Variants in ERCC6L observed in about 807,000 individuals in gnomAD.
The protein encoded by ERCC6L is ERCC excision repair 6 like, spindle assembly checkpoint helicase.
Under a neutral mutation model 20.1 loss-of-function variants are expected in ERCC6L, and 7 were observed. The observed-to-expected ratio is 0.35, with a 90% CI of 0.20 to 0.65. ERCC6L has a LOEUF of 0.65. ERCC6L is among the 30% of genes least tolerant of loss of function. The pLI is 0.69. For synonymous variants in ERCC6L, 278 were observed against 331.3 expected (o/e 0.84, Z 1.75); for missense variants, 592 against 892.4 (o/e 0.66, Z 4.29).
intron 1 of ERCC6L, among the ~76,000 whole-genome samples, chrX:72,229,959 G>A (rs745388461): frequency 1.8e-5 from 2 of 110,538 alleles, no homozygotes; most frequent in East Asian, 5.7e-4. Flanking sequence ...TTGGGAGGCC[G>A]AGGCAGGAGA....
At chrX:72,218,086 C>T (rs989617321) in intron 1 of ERCC6L, among the ~76,000 whole-genome samples, 11 of 110,102 alleles carry the variant, frequency 1.0e-4, no homozygotes, top group Non-Finnish European at 1.5e-4. Flanking sequence ...CTGACTAACA[C>T]GGTGAAACCC....
Position 72,206,476 on chromosome X carries a change from T to G in ERCC6L, c.2291A>C (p.Gln764Pro). The change falls in exon 2 of 2, where the codon CAG becomes CCG. Residue 764 changes from glutamine to proline, a missense_variant. Physicochemically the swap from Gln to Pro is moderately conservative, Grantham distance 76. Coordinates refer to ENST00000334463, the MANE Select transcript of ERCC6L (RefSeq NM_017669.4). ...CATTTTGGAACTGATATCTTCTTCC[T>G]GAGTATGATGAGTACTTAGAAGAGG... is the stretch of plus-strand genomic sequence containing the variant. ...PSPLLSTHHTQEEDISSKMAS... is the reference protein window; with the variant it reads ...PSPLLSTHHTPEEDISSKMAS... 8.3e-7 allele frequency: 1 copy of G among 1,211,160 alleles called. No individual in the cohort carries two copies. The highest frequency in any genetic ancestry group is 1.1e-6 in the Non-Finnish European group (1 of 895,348).
At chrX:72,219,857 A>G (rs1167449232) in intron 1 of ERCC6L, among the ~76,000 whole-genome samples, 1 of 110,287 alleles carries the variant, frequency 9.1e-6, no homozygotes, top group East Asian at 2.8e-4. Context: ...CAAAAAAAAA[A>G]AAAAAAGAAC....
intron 1 of ERCC6L, among the ~76,000 whole-genome samples, chrX:72,221,548 G>A (rs924357601): frequency 1.4e-4 from 15 of 110,977 alleles, no homozygotes; most frequent in African/African-American, 4.9e-4. Context: ...CCTCCCCACT[G>A]GGCTGCCTCC....
At chrX:72,215,409 A>G (rs2042882415) in intron 1 of ERCC6L, among the ~76,000 whole-genome samples, 1 of 112,293 alleles carries the variant, frequency 8.9e-6, no homozygotes, top group Non-Finnish European at 1.9e-5. Flanking sequence ...CTAAACAAAT[A>G]TTGAAATCCA....
chrX:72,238,969 C>A lies in ERCC6L; in HGVS notation c.-58G>T. On this transcript the variant is annotated 5_prime_UTR_variant, in exon 1 of 2. Coordinates refer to ENST00000334463, the MANE Select transcript of ERCC6L (RefSeq NM_017669.4). ...GGAGTTTGGAGCTTGGAGCTTGGAG[C>A]TTGGAGCTTGGAGCTTAGAGTTTGG... 2.0e-6 allele frequency: 2 copies of A among 1,019,567 alleles called. No homozygotes were observed. Among genetic ancestry groups the A allele is most frequent in the South Asian group, 2.0e-5 (1 of 49,286 alleles). The allele number at this position is 1,019,567 out of a possible 1,213,427, so 84.0% of individuals were successfully genotyped here. A position where few individuals can be genotyped will look rare whatever the true frequency, so the allele number is the denominator to read the frequency against.
intron 1 of ERCC6L, among the ~76,000 whole-genome samples, chrX:72,218,792 T>C (rs2042902475): frequency 1.8e-5 from 2 of 112,584 alleles, no homozygotes; most frequent in Non-Finnish European, 3.7e-5. Flanking sequence ...TTGGGAAGTA[T>C]TGCCATTTTA....
chrX:72,206,886 G>T lies in ERCC6L; in HGVS notation c.1881C>A (p.Leu627=), dbSNP rs148561399. 1.9e-3 allele frequency: 2,266 copies of T among 1,210,034 alleles called. 24 individuals carry two copies. In the African/African-American group the frequency reaches 0.035, roughly 19 times the overall value. ...RYFSKQELRE[L]FTIEDLQNSV... Reference sequence around the variant, plus strand: ...AGTTCTGAAGATCCTCGATTGTAAAGAGCTCTCTTAATTCTTGTTTACTAA... The same window carrying T: ...AGTTCTGAAGATCCTCGATTGTAAATAGCTCTCTTAATTCTTGTTTACTAA... The change falls in exon 2 of 2, where the codon CTC becomes CTA. Residue 627 remains leucine (L), a synonymous_variant. Transcript: ENST00000334463.
chrX:72,232,174 G>A (rs2042987161), intron 1 of ERCC6L, among the ~76,000 whole-genome samples: 1 of 105,878 alleles, frequency 9.4e-6, no homozygotes, highest in Non-Finnish European at 1.9e-5. Context: ...ATAAAATAAT[G>A]CCAAAGTAAA....
Position 72,207,534 on chromosome X carries a change from A to G in ERCC6L, c.1233T>C (p.Cys411=). Residue 411 remains cysteine, a synonymous_variant, in exon 2 of 2, where the codon TGT becomes TGC. Transcript: ENST00000334463. ...GTGCAGACAGCAGCCTAGGATGATCACACAGCTTCTTTAAGACACCTAGCT... is the reference window on the plus strand; with the variant it reads ...GTGCAGACAGCAGCCTAGGATGATCGCACAGCTTCTTTAAGACACCTAGCT... ...LAELGVLKKL[C]DHPRLLSARA... 3 of 1,211,627 alleles carry G rather than the reference A, an allele frequency of 2.5e-6. No individual in the cohort carries two copies. The highest frequency in any genetic ancestry group is 3.4e-6 in the Non-Finnish European group (3 of 895,300).
Position 72,214,682 on chromosome X carries a change from A to C in ERCC6L, c.69-5984T>G, listed in dbSNP as rs186737768. Among the ~76,000 whole-genome samples, 283 of 107,153 alleles carry C rather than the reference A, an allele frequency of 2.6e-3. 4 individuals are homozygous for C. The highest frequency in any genetic ancestry group is 9.4e-3 in the African/African-American group (275 of 29,258). 93.0% of individuals were successfully genotyped at this position (107,153 alleles called of 115,157 possible). ...AGTGAGACTCCATCTCAAAAAAAAA[A>C]AAAAAAACAAAACAAAAGTTTAGGC... On this transcript the variant is annotated intron_variant, in intron 1 of 1. Transcript: ENST00000334463.
chrX:72,206,196 C>G lies in ERCC6L; in HGVS notation c.2571G>C (p.Leu857=). ...TLQEGPKQEA[L]QEDPLESFNY... is the part of the protein sequence containing the mutation. Reference sequence around the variant, plus strand: ...TAAAACTTTCCAGAGGATCCTCTTGCAGTGCCTCTTGCTTAGGCCCCTCTT... The same window carrying G: ...TAAAACTTTCCAGAGGATCCTCTTGGAGTGCCTCTTGCTTAGGCCCCTCTT... Residue 857 remains leucine (L), a synonymous_variant, in exon 2 of 2, where the codon CTG becomes CTC. Coordinates refer to ENST00000334463, the MANE Select transcript of ERCC6L (RefSeq NM_017669.4). 1 of 1,211,558 alleles carries G rather than the reference C, an allele frequency of 8.3e-7. No individual in the cohort carries two copies. Among genetic ancestry groups the G allele is most frequent in the Non-Finnish European group, 1.1e-6 (1 of 895,189 alleles).
At chrX:72,237,585 G>T (rs1175173765) in intron 1 of ERCC6L, among the ~76,000 whole-genome samples, 1 of 96,264 alleles carries the variant, frequency 1.0e-5, no homozygotes, top group African/African-American at 4.0e-5. Context: ...GTGACAGAGC[G>T]AGACTGTATC....
At chrX:72,219,764 A>G (rs868524259) in intron 1 of ERCC6L, among the ~76,000 whole-genome samples, 1 of 105,198 alleles carries the variant, frequency 9.5e-6, no homozygotes, top group Non-Finnish European at 1.9e-5. Flanking sequence ...CAGGAGAATC[A>G]CTTGAACCCG....
intron 1 of ERCC6L, among the ~76,000 whole-genome samples, chrX:72,223,132 C>T (rs61701607): frequency 1.0e-5 from 1 of 99,234 alleles, no homozygotes; most frequent in African/African-American, 3.6e-5. Context: ...GTCAAGAGAT[C>T]GAGACCACCC....
At chrX:72,213,741 G>A (rs1187509143) in intron 1 of ERCC6L, among the ~76,000 whole-genome samples, 2 of 111,980 alleles carry the variant, frequency 1.8e-5, no homozygotes, top group Non-Finnish European at 3.8e-5. Flanking sequence ...TGGGTTCCAC[G>A]GTTCTCTTCC....
intron 1 of ERCC6L, among the ~76,000 whole-genome samples, chrX:72,220,899 T>C (rs1480960629): frequency 1.8e-5 from 2 of 111,896 alleles, no homozygotes; most frequent in Non-Finnish European, 3.8e-5. Flanking sequence ...TGCCGAAATC[T>C]GGAACAGGTG....
intron 1 of ERCC6L, among the ~76,000 whole-genome samples, chrX:72,237,484 GC>G (rs1348908845): frequency 9.0e-6 from 1 of 111,300 alleles, no homozygotes; most frequent in African/African-American, 3.3e-5. Flanking sequence ...TGTAGTCCCA[GC>G]TACTCGGGAG....
At chrX:72,232,416 C>CAAA (rs11302655) in intron 1 of ERCC6L, among the ~76,000 whole-genome samples, 1 of 35,067 alleles carries the variant, frequency 2.9e-5, no homozygotes, top group African/African-American at 1.1e-4. Context: ...AGACCTGCCT[C>CAAA]AAAAAAAAAA....
Sources: allele counts gnomAD v4.1 joint callset (sites outside exome capture counted in the v4.1 genomes callset), GRCh38; gene constraint gnomAD v4.1.1; transcripts MANE v1.5; gene names NCBI Gene and HGNC (gene_info 2026-07-23, HGNC 2026-07-21).